PARD3B: variants seen among roughly 807,000 people sequenced by gnomAD.
PARD3B encodes par-3 family cell polarity regulator beta.
Under a neutral mutation model 130.2 loss-of-function variants are expected in PARD3B, and 103 were observed. The observed-to-expected ratio is 0.79, with a 90% CI of 0.67 to 0.93. PARD3B has a LOEUF of 0.93. Among genes scored for constraint, PARD3B ranks in the 40% least tolerant of loss-of-function variants. PARD3B has a pLI of 0.00. For missense variants in PARD3B, 1,609 were observed against 1,499.2 expected (o/e 1.07, Z -1.21); for synonymous variants, 583 against 553.2 (o/e 1.05, Z -0.76).
chr2:204,641,855 T>C (rs1245969805), intron 1 of PARD3B, among the ~76,000 whole-genome samples: 2 of 152,222 alleles, frequency 1.3e-5, no homozygotes, highest in African/African-American at 4.8e-5. Context: ...AAAACAAAAC[T>C]GATGTCTAAT....
At chr2:205,381,197 TATATA>T (rs2045427730) in intron 18 of PARD3B, among the ~76,000 whole-genome samples, 3 of 120,940 alleles carry the variant, frequency 2.5e-5, no homozygotes, top group South Asian at 2.3e-4. Context: ...ATATATATTA[TATATA>T]ATATATAAAG....
In PARD3B at chr2:205,573,574, TA is replaced by T. The variant is rs112373775; in HGVS notation, c.3260+20174del. ...TTAAGACTACATAATTCCTAGAATT[TA>T]AACTGAATCCTTGGAAGAGTATTTT... On this transcript the variant is annotated intron_variant, in intron 22 of 22. Transcript: ENST00000406610. Among the ~76,000 whole-genome samples the T allele has an allele frequency of 1.3e-5, 2 of 152,330 alleles. 1 individual carries two copies. Among genetic ancestry groups the T allele is most frequent in the African/African-American group, 4.8e-5 (2 of 41,582 alleles).
At chr2:205,437,839 G>T (rs956927989) in intron 19 of PARD3B, among the ~76,000 whole-genome samples, 3 of 152,052 alleles carry the variant, frequency 2.0e-5, no homozygotes, top group Admixed American at 6.6e-5. Flanking sequence ...ATAAAAAAGG[G>T]TATCTTTTGA....
chr2:205,319,448 C>T (rs1300609572), intron 18 of PARD3B, among the ~76,000 whole-genome samples: 1 of 152,148 alleles, frequency 6.6e-6, no homozygotes, highest in Admixed American at 6.5e-5. Context: ...TTTCTTTGAA[C>T]CTTGTGTATC....
At chr2:205,408,044 A>G (rs1173537688) in intron 19 of PARD3B, among the ~76,000 whole-genome samples, 1 of 152,210 alleles carries the variant, frequency 6.6e-6, no homozygotes, top group South Asian at 2.1e-4. Flanking sequence ...TTCAACAACT[A>G]GCCTGAACGG....
rs2054153654 is a variant in PARD3B at position 205,585,218 on chromosome 2, G to T, written c.3261-30238G>T. 6.6e-6 allele frequency among the ~76,000 whole-genome samples: 1 copy of T among 152,182 alleles called. No homozygotes were observed. Among genetic ancestry groups the T allele is most frequent in the Non-Finnish European group, 1.5e-5 (1 of 68,044 alleles). On this transcript the variant is annotated intron_variant, in intron 22 of 22. Coordinates refer to ENST00000406610, the MANE Select transcript of PARD3B (RefSeq NM_001302769.2). This position sits in a 1 kb window ranked among gnomAD's most constrained non-coding sequence, Gnocchi z 5.4. ...CAAGAGGCATATTTGGAATGCACAG[G>T]CTGGGAGATGAAAATGTGTATGCCC...
chr2:205,455,980 A>G (rs2048260884), intron 20 of PARD3B, among the ~76,000 whole-genome samples: 1 of 152,024 alleles, frequency 6.6e-6, no homozygotes, highest in South Asian at 2.1e-4. Context: ...GCAATCCCTC[A>G]TCTGTTTTCT....
chr2:205,007,765 A>T (rs762339673), intron 3 of PARD3B, among the ~76,000 whole-genome samples: 33 of 152,180 alleles, frequency 2.2e-4, no homozygotes, highest in Non-Finnish European at 4.0e-4. Context: ...TTGAATCTGT[A>T]GATTGCTTTG....
At chr2:205,086,578 T>A (rs1701753457) in intron 4 of PARD3B, among the ~76,000 whole-genome samples, 1 of 152,228 alleles carries the variant, frequency 6.6e-6, no homozygotes, top group Admixed American at 6.5e-5. Flanking sequence ...GGTTATTAGA[T>A]ATTTTTGTTA....
intron 1 of PARD3B, among the ~76,000 whole-genome samples, chr2:204,602,422 GT>G (rs748121810): frequency 2.0e-5 from 3 of 151,314 alleles, no homozygotes; most frequent in Non-Finnish European, 4.4e-5. Flanking sequence ...CAAAGACACA[GT>G]TTAAAAAAAA....
intron 2 of PARD3B, among the ~76,000 whole-genome samples, chr2:204,722,563 A>T (rs2039045995): frequency 6.6e-6 from 1 of 152,182 alleles, no homozygotes; most frequent in African/African-American, 2.4e-5. Context: ...TCTTGTCTAT[A>T]CATTTCTTGA....
chr2:204,961,087 A>C (rs1690706134), intron 2 of PARD3B, among the ~76,000 whole-genome samples: 1 of 152,142 alleles, frequency 6.6e-6, no homozygotes, highest in Non-Finnish European at 1.5e-5. Context: ...CGACGTCAGA[A>C]ATGGAACAGG....
At position 205,268,828 on chromosome 2, in the gene PARD3B, A is replaced by G. The variant is rs565839803; in HGVS notation, c.2185+23006A>G. Among the ~76,000 whole-genome samples, 7 of 152,294 alleles carry G rather than the reference A, an allele frequency of 4.6e-5. No individual in the cohort carries two copies. The highest frequency in any genetic ancestry group is 4.1e-4 in the South Asian group (2 of 4,822). ...TGGCTAGAATAAAGGTGGAAGGAGG[A>G]AAATAAATTACCTCATTTTAACAAC... On this transcript the variant is annotated intron_variant, in intron 16 of 22. Transcript: ENST00000406610. The surrounding 1 kb of genome is among the most constrained non-coding windows in gnomAD (Gnocchi z 4.1).
intron 2 of PARD3B, among the ~76,000 whole-genome samples, chr2:204,908,136 G>T (rs942095893): frequency 1.3e-5 from 2 of 152,084 alleles, no homozygotes; most frequent in Admixed American, 6.5e-5. Context: ...TACCAAATGG[G>T]TGTAAACTGA....
intron 1 of PARD3B, among the ~76,000 whole-genome samples, chr2:204,633,687 C>A (rs1017612363): frequency 1.3e-5 from 2 of 152,112 alleles, no homozygotes; most frequent in Non-Finnish European, 2.9e-5. Context: ...TGGTGCACAC[C>A]TGTAGCCCCA....
At chr2:204,874,901 C>A (rs550437888) in intron 2 of PARD3B, among the ~76,000 whole-genome samples, 1 of 152,184 alleles carries the variant, frequency 6.6e-6, no homozygotes, top group Non-Finnish European at 1.5e-5. Context: ...TTGTTGCAGG[C>A]ATCAGTGGTT....
intron 2 of PARD3B, among the ~76,000 whole-genome samples, chr2:204,853,510 T>C (rs1250804344): frequency 1.3e-5 from 2 of 152,174 alleles, no homozygotes; most frequent in Non-Finnish European, 2.9e-5. Context: ...ACTTTCATTA[T>C]ACAGAATAAG....
chr2:205,103,082 A>AT (rs377422159), intron 4 of PARD3B, among the ~76,000 whole-genome samples: 1 of 82,768 alleles, frequency 1.2e-5, no homozygotes, highest in African/African-American at 3.4e-5. Context: ...AAAAATATAT[A>AT]TTTTTTTATT....
chr2:204,816,951 G>A (rs906722767), intron 2 of PARD3B, among the ~76,000 whole-genome samples: 1 of 151,636 alleles, frequency 6.6e-6, no homozygotes, highest in African/African-American at 2.4e-5. Context: ...TGTTTCATAT[G>A]ATTTCTATTG....
Sources: gnomAD v4.1 joint callset for allele counts (sites outside exome capture counted in the v4.1 genomes callset) on GRCh38, gnomAD v4.1.1 for gene constraint, Gnocchi (gnomAD v3.1) non-coding constraint, MANE v1.5 for transcripts, NCBI Gene and HGNC (gene_info 2026-07-23, HGNC 2026-07-21) for gene names.